Variants in ATP6V0A1 observed in about 807,000 individuals in gnomAD.
ATP6V0A1 encodes the protein V-type proton ATPase 116 kDa subunit a 1.
ATP6V0A1 carries 43 observed loss-of-function variants against 105.4 expected under a neutral mutation model. That is an observed-to-expected ratio of 0.41 (90% CI 0.32 to 0.53). ATP6V0A1 has a LOEUF of 0.53. Among genes scored for constraint, ATP6V0A1 ranks in the 20% least tolerant of loss-of-function variants. The pLI is 0.30. For missense variants in ATP6V0A1, 676 were observed against 1,051.1 expected (o/e 0.64, Z 4.93); for synonymous variants, 362 against 372.8 (o/e 0.97, Z 0.33).
chr17:42,473,531 G>T (rs1279928546), intron 5 of ATP6V0A1, among the ~76,000 whole-genome samples: 1 of 152,172 alleles, frequency 6.6e-6, no homozygotes. Flanking sequence ...CCACAGATCT[G>T]ATGTAAACCT....
intron 5 of ATP6V0A1, among the ~76,000 whole-genome samples, chr17:42,473,411 T>C (rs146071690): frequency 2.6e-5 from 4 of 152,336 alleles, no homozygotes; most frequent in Non-Finnish European, 5.9e-5. Flanking sequence ...GAGTAAGACA[T>C]GGTCCCTGTG....
intron 16 of ATP6V0A1, 93 bp downstream of exon 16, chr17:42,501,016 T>A: frequency 7.4e-7 from 1 of 1,354,238 alleles, no homozygotes; most frequent in Non-Finnish European, 1.0e-6. Context: ...TAACTGCCCT[T>A]CTATGGGACA....
At chr17:42,518,675 G>A (rs1413809903) in intron 21 of ATP6V0A1, 1 of 152,248 alleles carries the variant, frequency 6.6e-6, no homozygotes, top group Non-Finnish European at 1.5e-5. Flanking sequence ...TCACCAGGTG[G>A]CCTTTGCCAA....
At chr17:42,498,329 A>G (rs1229950962) in intron 14 of ATP6V0A1, among the ~76,000 whole-genome samples, 3 of 152,198 alleles carry the variant, frequency 2.0e-5, no homozygotes, top group African/African-American at 7.2e-5. Flanking sequence ...TGGACTTTTT[A>G]GTAATGTGGA....
chr17:42,509,939 TA>T (rs1464712973), intron 19 of ATP6V0A1: 1 of 152,224 alleles, frequency 6.6e-6, no homozygotes, highest in East Asian at 1.9e-4. Context: ...TAGCCAAATT[TA>T]GATACCCATG....
chr17:42,472,474 C>A (rs2088111179), intron 5 of ATP6V0A1, among the ~76,000 whole-genome samples: 1 of 151,606 alleles, frequency 6.6e-6, no homozygotes, highest in African/African-American at 2.4e-5. Context: ...CCTATAATCC[C>A]AGCACTTTGG....
intron 21 of ATP6V0A1, chr17:42,520,223 G>A: frequency 5.7e-6 from 2 of 353,804 alleles, no homozygotes; most frequent in South Asian, 4.3e-5. Context: ...TTTATCCCCT[G>A]AATCATGCAT....
chr17:42,498,777 G>A (rs969272606), intron 14 of ATP6V0A1, 147 bp from the exon 15 acceptor site: 7 of 513,434 alleles, frequency 1.4e-5, no homozygotes, highest in Non-Finnish European at 2.4e-5. Context: ...AGTGAGCTGA[G>A]ATCACGCCAC....
At chr17:42,465,586 G>A (rs948682804) in intron 2 of ATP6V0A1, among the ~76,000 whole-genome samples, 8 of 151,804 alleles carry the variant, frequency 5.3e-5, no homozygotes, top group East Asian at 1.9e-4. Flanking sequence ...CACCGTGACC[G>A]GCCAGATTGC....
chr17:42,482,261 C>T (rs1260802937), intron 8 of ATP6V0A1, among the ~76,000 whole-genome samples: 2 of 152,134 alleles, frequency 1.3e-5, no homozygotes, highest in African/African-American at 4.8e-5. Flanking sequence ...ATTCTCCCAC[C>T]GCAGCCCCAT....
intron 11 of ATP6V0A1, among the ~76,000 whole-genome samples, chr17:42,492,706 C>CAA (rs56397012): frequency 1.1e-5 from 1 of 95,134 alleles, no homozygotes; most frequent in Non-Finnish European, 2.1e-5. Context: ...AACTCTGTCT[C>CAA]AAAAAAAAAA....
Position 42,490,655 on chromosome 17 carries a change from A to T in ATP6V0A1, c.1174+18A>T. ...AAATCCAGGTAAAAAAAAGCTTGTT[A>T]TCTTTTTCCTCTAGAGTTTTTTTTG... On this transcript the variant is annotated intron_variant, in intron 11 of 21. Coordinates refer to ENST00000343619, the MANE Select transcript of ATP6V0A1 (RefSeq NM_001130021.3). The T allele has an allele frequency of 6.4e-7, 1 of 1,574,364 alleles. No individual in the cohort carries two copies. Among genetic ancestry groups the T allele is most frequent in the East Asian group, 2.3e-5 (1 of 43,890 alleles).
chr17:42,473,999 C>T (rs2088357757), intron 5 of ATP6V0A1, among the ~76,000 whole-genome samples: 1 of 151,464 alleles, frequency 6.6e-6, no homozygotes, highest in South Asian at 2.1e-4. Flanking sequence ...GTTGTTTTCC[C>T]TCTCCTATTT....
In ATP6V0A1 at chr17:42,480,669, C is replaced by T. The variant is rs765961383; in HGVS notation, c.636C>T (p.Gly212=). ...IENPLEDPVT[G]DYVHKSVFII... ...TGTTTTTTTATTCTGGGGCCTAGGG[C>T]GACTACGTGCACAAGTCTGTGTTTA... Residue 212 remains glycine, a splice_region_variant and synonymous_variant, in exon 8 of 22, where the codon GGC becomes GGT. Coordinates refer to ENST00000343619, the MANE Select transcript of ATP6V0A1 (RefSeq NM_001130021.3). 2.6e-5 allele frequency: 42 copies of T among 1,609,724 alleles called. No homozygotes were observed. Among genetic ancestry groups the T allele is most frequent in the Non-Finnish European group, 3.5e-5 (41 of 1,178,554 alleles).
At chr17:42,504,424 A>G (rs1567859623) in intron 17 of ATP6V0A1, among the ~76,000 whole-genome samples, 1 of 152,144 alleles carries the variant, frequency 6.6e-6, no homozygotes, top group Non-Finnish European at 1.5e-5. Flanking sequence ...AGTTGGAGAA[A>G]GCTTCAGAAA....
intron 21 of ATP6V0A1, chr17:42,518,316 A>G (rs1457861198): frequency 6.6e-6 from 1 of 152,292 alleles, no homozygotes; most frequent in Non-Finnish European, 1.5e-5. Context: ...GCTTCTTGTT[A>G]GGAATGCAGT....
chr17:42,490,847 CCTGG>C (rs1425188276), intron 11 of ATP6V0A1, among the ~76,000 whole-genome samples: 4 of 152,048 alleles, frequency 2.6e-5, no homozygotes. Context: ...CAGCACCACA[CCTGG>C]CTAATTTTTT....
intron 21 of ATP6V0A1, among the ~76,000 whole-genome samples, chr17:42,516,262 GCCT>G (rs2092620374): frequency 6.6e-6 from 1 of 152,160 alleles, no homozygotes; most frequent in Non-Finnish European, 1.5e-5. Context: ...TGACCCCTGA[GCCT>G]CCTCAAAGAT....
chr17:42,467,737 G>A (rs999766466), intron 3 of ATP6V0A1, among the ~76,000 whole-genome samples: 1 of 152,162 alleles, frequency 6.6e-6, no homozygotes, highest in Non-Finnish European at 1.5e-5. Flanking sequence ...TTGAAGGCCA[G>A]TGTTAAGACC....
Sources: allele counts gnomAD v4.1 joint callset (sites outside exome capture counted in the v4.1 genomes callset), GRCh38; gene constraint gnomAD v4.1.1; transcripts MANE v1.5; gene names NCBI Gene and HGNC (gene_info 2026-07-23, HGNC 2026-07-21).